The following ZFPM2 variants were observed in gnomAD, a reference collection of about 807,000 sequenced individuals.
ZFPM2 encodes zinc finger protein ZFPM2.
Under a neutral mutation model 98.6 loss-of-function variants are expected in ZFPM2, and 20 were observed. That is an observed-to-expected ratio of 0.20 (90% CI 0.14 to 0.29). The LOEUF is 0.29. Among genes scored for constraint, ZFPM2 ranks in the 10% least tolerant of loss-of-function variants. The pLI, the probability that ZFPM2 is intolerant of heterozygous loss-of-function variation, is 1.00. For missense variants in ZFPM2, 1,310 were observed against 1,388.6 expected (o/e 0.94, Z 0.90); for synonymous variants, 518 against 502.7 (o/e 1.03, Z -0.41).
chr8:105,476,495 G>A (rs1392458917), intron 3 of ZFPM2, among the ~76,000 whole-genome samples: 1 of 151,972 alleles, frequency 6.6e-6, no homozygotes, highest in Non-Finnish European at 1.5e-5. Flanking sequence ...AAACATGCAC[G>A]AAACCAGCAC....
At chr8:105,455,598 A>C (rs1272992858) in intron 3 of ZFPM2, among the ~76,000 whole-genome samples, 3 of 152,216 alleles carry the variant, frequency 2.0e-5, no homozygotes, top group Non-Finnish European at 2.9e-5. Flanking sequence ...TTAAGAATAA[A>C]AAAAGAAACG....
At chr8:105,395,742 C>T (rs13262601) in intron 1 of ZFPM2, among the ~76,000 whole-genome samples, 16,237 of 152,206 alleles carry the variant, frequency 0.11, 1,040 homozygotes, top group South Asian at 0.15. Flanking sequence ...ATTGGACACA[C>T]GTAATTTATA....
At chr8:105,646,146 T>C (rs755642286) in intron 5 of ZFPM2, among the ~76,000 whole-genome samples, 11 of 150,710 alleles carry the variant, frequency 7.3e-5, no homozygotes, top group Non-Finnish European at 1.6e-4. Context: ...AAAAAAATAA[T>C]AATGGTGGCA....
chr8:105,541,411 A>G (rs1214327355), intron 3 of ZFPM2, among the ~76,000 whole-genome samples: 2 of 152,174 alleles, frequency 1.3e-5, no homozygotes, highest in African/African-American at 4.8e-5. Context: ...TTTCAGTTCC[A>G]CCATGCTGTG....
chr8:105,641,021 G>A (rs1042644178), intron 5 of ZFPM2, among the ~76,000 whole-genome samples: 16 of 151,964 alleles, frequency 1.1e-4, no homozygotes, highest in African/African-American at 3.6e-4. Context: ...TTAGCTAGTC[G>A]CAGAATTCCA....
At chr8:105,650,618 C>T in intron 5 of ZFPM2, among the ~76,000 whole-genome samples, 1 of 152,086 alleles carries the variant, frequency 6.6e-6, no homozygotes, top group Admixed American at 6.6e-5. Flanking sequence ...TTATTTCTGC[C>T]TTCATTTTGT....
intron 1 of ZFPM2, among the ~76,000 whole-genome samples, chr8:105,418,183 A>T (rs1303026424): frequency 6.6e-6 from 1 of 152,176 alleles, no homozygotes; most frequent in African/African-American, 2.4e-5. Context: ...AGCTTTGAGT[A>T]TTTAGCCTGT....
At chr8:105,566,917 TA>T (rs929656019) in intron 4 of ZFPM2, among the ~76,000 whole-genome samples, 2 of 152,092 alleles carry the variant, frequency 1.3e-5, no homozygotes, top group African/African-American at 4.8e-5. Context: ...GAATTTTTTT[TA>T]AAAAAATGAA....
chr8:105,391,777 T>TA (rs1330090279), intron 1 of ZFPM2, among the ~76,000 whole-genome samples: 3 of 152,342 alleles, frequency 2.0e-5, no homozygotes, highest in Non-Finnish European at 4.4e-5. Context: ...GTTGTCTTGC[T>TA]ATTTCCAGCC....
chr8:105,398,884 T>C lies in ZFPM2; in HGVS notation c.41-20260T>C, dbSNP rs377075490. ...CATCACAATAAAAACTGTGCTGAGA[T>C]AGAGAGAGAGGATAGACTGGCTGAG... is the stretch of plus-strand genomic sequence containing the variant. On this transcript the variant is annotated intron_variant, in intron 1 of 7. Transcript: ENST00000407775. Among the ~76,000 whole-genome samples the C allele has an allele frequency of 2.4e-4, 37 of 152,176 alleles. No individual in the cohort carries two copies. The East Asian group carries it at 7.2e-3, about 29-fold the overall frequency.
At chr8:105,733,539 G>T (rs1026610335) in intron 5 of ZFPM2, among the ~76,000 whole-genome samples, 4 of 151,788 alleles carry the variant, frequency 2.6e-5, no homozygotes, top group African/African-American at 9.7e-5. Context: ...AGTTCACAGT[G>T]TATGAATTCA....
At chr8:105,480,629 G>GA (rs1440934891) in intron 3 of ZFPM2, among the ~76,000 whole-genome samples, 2 of 151,692 alleles carry the variant, frequency 1.3e-5, no homozygotes, top group Non-Finnish European at 2.9e-5. Context: ...ATTAATTCAA[G>GA]AAAAAAAGGC....
At chr8:105,642,318 T>G (rs1447015651) in intron 5 of ZFPM2, among the ~76,000 whole-genome samples, 1 of 152,182 alleles carries the variant, frequency 6.6e-6, no homozygotes, top group Non-Finnish European at 1.5e-5. Context: ...AAAGAAACAG[T>G]GTGAAATTAT....
At chr8:105,472,798 G>A (rs1383021735) in intron 3 of ZFPM2, among the ~76,000 whole-genome samples, 1 of 150,722 alleles carries the variant, frequency 6.6e-6, no homozygotes, top group African/African-American at 2.4e-5. Flanking sequence ...GTGAGCCACC[G>A]CGCCTGGCCT....
At chr8:105,593,894 T>A (rs562039394) in intron 4 of ZFPM2, among the ~76,000 whole-genome samples, 1 of 152,134 alleles carries the variant, frequency 6.6e-6, no homozygotes, top group East Asian at 1.9e-4. Context: ...AAAGAAATCA[T>A]CGTGGGAGAG....
At chr8:105,679,568 A>G (rs1783396634) in intron 5 of ZFPM2, among the ~76,000 whole-genome samples, 1 of 152,128 alleles carries the variant, frequency 6.6e-6, no homozygotes, top group Non-Finnish European at 1.5e-5. Flanking sequence ...TTGAAAGTCC[A>G]TACATAATGG....
chr8:105,488,460 G>C (rs1261368526), intron 3 of ZFPM2, among the ~76,000 whole-genome samples: 1 of 152,068 alleles, frequency 6.6e-6, no homozygotes, highest in Non-Finnish European at 1.5e-5. Flanking sequence ...GGAAACACAG[G>C]GTTAGAAAGG....
At chr8:105,700,414 G>A (rs890441362) in intron 5 of ZFPM2, among the ~76,000 whole-genome samples, 3 of 152,140 alleles carry the variant, frequency 2.0e-5, no homozygotes, top group Admixed American at 2.0e-4. Flanking sequence ...GTTACTGGTT[G>A]CCTGGTTATT....
In ZFPM2 at chr8:105,658,517, G is replaced by C. The variant is rs1444532319; in HGVS notation, c.532+24160G>C. 4.1e-5 allele frequency among the ~76,000 whole-genome samples: 2 copies of C among 49,070 alleles called. 1 individual carries two copies. The highest frequency in any genetic ancestry group is 7.8e-5 in the Non-Finnish European group (2 of 25,488). 32.2% of individuals were successfully genotyped at this position (49,070 alleles called of 152,430 possible). A position where few individuals can be genotyped will look rare whatever the true frequency, so the allele number is the denominator to read the frequency against. On this transcript the variant is annotated intron_variant, in intron 5 of 7. Transcript: ENST00000407775. ...GCAGGAGAATGGCGTGAACCCCAGG[G>C]GGCGGAGCCTGCAGTGAGCCGAGAT...
Sources: gnomAD v4.1 joint callset for allele counts (sites outside exome capture counted in the v4.1 genomes callset) on GRCh38, gnomAD v4.1.1 for gene constraint, MANE v1.5 for transcripts, NCBI Gene and HGNC (gene_info 2026-07-23, HGNC 2026-07-21) for gene names.